Variants in MFRP observed in about 807,000 individuals in gnomAD.
MFRP encodes C1q and TNF related 5.
Under a neutral mutation model 65.8 loss-of-function variants are expected in MFRP, and 74 were observed. The ratio of observed to expected loss-of-function variants is 1.12; its 90% CI spans 0.93 to 1.36. MFRP has a LOEUF of 1.36. Among genes scored for constraint, MFRP ranks in the 40% most tolerant of loss-of-function variants. The pLI is 0.00. For missense variants in MFRP, 838 were observed against 736.0 expected, an observed-to-expected ratio of 1.14 and a Z score of -1.60; for synonymous variants, 336 against 288.3, an observed-to-expected ratio of 1.17 and a Z score of -1.68.
Position 119,346,674 on chromosome 11 carries a change from G to A in MFRP, c.-161C>T. On this transcript the variant is annotated 5_prime_UTR_variant, in exon 1 of 15. Coordinates refer to ENST00000619721, the MANE Select transcript of MFRP (RefSeq NM_031433.4). The stretch of plus-strand genomic sequence containing the variant: ...GTTCTTGGGCTGTCCTTGGTAGAGT[G>A]GTTTGGCCTATGGGCTACTCTGTCT... 1 of 733,394 alleles carries A rather than the reference G, an allele frequency of 1.4e-6. No homozygotes were observed. The highest frequency in any genetic ancestry group is 2.4e-6 in the Non-Finnish European group (1 of 414,358). 45.4% of individuals were successfully genotyped at this position (733,394 alleles called of 1,614,324 possible).
intron 5 of MFRP, 125 bp from the exon 6 acceptor site, chr11:119,345,129 C>T: frequency 7.7e-7 from 1 of 1,292,978 alleles, no homozygotes. Context: ...GTCAAAAAGG[C>T]TCCTCTGATG....
chr11:119,344,868 A>C lies in MFRP; in HGVS notation c.772+6T>G. 1.9e-6 allele frequency: 3 copies of C among 1,613,190 alleles called. No homozygotes were observed. The highest frequency in any genetic ancestry group is 2.5e-6 in the Non-Finnish European group (3 of 1,179,960). On this transcript the variant is annotated splice_donor_region_variant and intron_variant, in intron 6 of 14. Coordinates refer to ENST00000619721, the MANE Select transcript of MFRP (RefSeq NM_031433.4). ...ACACTCAACAGGCAGGTGGGAACAC[A>C]CTCACCGCGCCCAGGGGCCATAGCC...
Position 119,344,955 on chromosome 11 carries a change from G to A in MFRP, c.691C>T (p.Leu231Phe), listed in dbSNP as rs1486245948. 2 of 1,610,008 alleles carry A rather than the reference G, an allele frequency of 1.2e-6. No homozygotes were observed. The highest frequency in any genetic ancestry group is 1.7e-6 in the Non-Finnish European group (2 of 1,178,662). The change falls in exon 6 of 15, where the codon CTC (leucine) becomes TTC (phenylalanine). Residue 231 changes from leucine (L) to phenylalanine (F), a missense_variant. Transcript: ENST00000619721. Reference sequence around the variant, plus strand: ...CTGTCAGAGACGAAGACCACCAGGAGGTGGCTGGCATTGGTGTTGAGCGTG... The same window carrying A: ...CTGTCAGAGACGAAGACCACCAGGAAGTGGCTGGCATTGGTGTTGAGCGTG... ...PPTLNTNASH[L>F]LVVFVSDSSV...
At position 119,341,535 on chromosome 11, in the gene MFRP, G is replaced by C; in HGVS notation, c.*13C>G. ...GAGGACGGGCAGGAAGAGGGCAGGGGCCGGCTTCAGGGTCAGGGCTGGGCA... is the reference window on the plus strand; with the variant it reads ...GAGGACGGGCAGGAAGAGGGCAGGGCCCGGCTTCAGGGTCAGGGCTGGGCA... On this transcript the variant is annotated 3_prime_UTR_variant, in exon 13 of 15. Transcript: ENST00000619721. The C allele has an allele frequency of 6.2e-7, 1 of 1,607,300 alleles. No individual in the cohort carries two copies. Among genetic ancestry groups the C allele is most frequent in the Non-Finnish European group, 8.5e-7 (1 of 1,176,066 alleles).
At chr11:119,342,365 C>G (rs1950510802) in intron 11 of MFRP, among the ~76,000 whole-genome samples, 1 of 152,134 alleles carries the variant, frequency 6.6e-6, no homozygotes, top group Non-Finnish European at 1.5e-5. Context: ...TCTTGAAGCC[C>G]CACCAATGAT....
At position 119,340,338 on chromosome 11, in the gene MFRP, G is replaced by C. The variant is rs1427104534; in HGVS notation, c.*956C>G. The C allele has an allele frequency of 1.3e-6, 2 of 1,543,588 alleles. No homozygotes were observed. The highest frequency in any genetic ancestry group is 1.7e-6 in the Non-Finnish European group (2 of 1,145,302). On this transcript the variant is annotated 3_prime_UTR_variant, in exon 14 of 15. Transcript: ENST00000619721. Reference sequence around the variant, plus strand: ...GGCAGAGGCTGGGGATCTTGTTGTCGTCCAGTGGGGGCGAGCCGGCCGCCA... The same window carrying C: ...GGCAGAGGCTGGGGATCTTGTTGTCCTCCAGTGGGGGCGAGCCGGCCGCCA...
At chr11:119,344,838 A>C (rs764295276) in intron 6 of MFRP, 36 bp downstream of exon 6, 1 of 1,613,464 alleles carries the variant, frequency 6.2e-7, no homozygotes, top group Non-Finnish European at 8.5e-7. Flanking sequence ...AGGGGAAGAA[A>C]GTGGACACTC....
intron 6 of MFRP, 42 bp from the exon 7 acceptor site, chr11:119,344,799 A>G (rs370063522): frequency 5.8e-5 from 93 of 1,613,552 alleles, no homozygotes; most frequent in Non-Finnish European, 7.3e-5. Flanking sequence ...CGGAGTCTCC[A>G]CCCCTTTGAC....
chr11:119,342,843 G>GC (rs764467122), intron 10 of MFRP, 30 bp downstream of exon 10: 26 of 1,612,970 alleles, frequency 1.6e-5, no homozygotes, highest in South Asian at 8.8e-5. Context: ...TGCCTCTACT[G>GC]CCCCCACCCA....
chr11:119,339,554 T>G lies in MFRP; in HGVS notation c.*1405A>C. On this transcript the variant is annotated 3_prime_UTR_variant, in exon 15 of 15. Transcript: ENST00000619721. The surrounding 1 kb of genome is among the most constrained non-coding windows in gnomAD (Gnocchi z 5.4). ...GAAAGAGGCAATGGATTCGCCATTC[T>G]TCACCAGATCAAACTGCAGGCTGGC... 1 of 1,613,484 alleles carries G rather than the reference T, an allele frequency of 6.2e-7. No individual in the cohort carries two copies. Among genetic ancestry groups the G allele is most frequent in the Non-Finnish European group, 8.5e-7 (1 of 1,180,034 alleles).
In MFRP at chr11:119,341,415, C is replaced by T. The variant is rs1950501083; in HGVS notation, c.*133G>A. The T allele has an allele frequency of 1.1e-5, 8 of 743,282 alleles. No homozygotes were observed. The South Asian group carries it at 1.3e-4, about 12-fold the overall frequency. The allele number at this position is 743,282 out of a possible 1,614,324, so 46.0% of individuals were successfully genotyped here. On this transcript the variant is annotated 3_prime_UTR_variant, in exon 13 of 15. Transcript: ENST00000619721. ...CCATGAGCCCCAGCTGAGGACTTCT[C>T]TTCCCCCTCCCTGGGAGCCCCAGAG...
chr11:119,341,005 G>A lies in MFRP; in HGVS notation c.*543C>T. 1 of 177,426 alleles carries A rather than the reference G, an allele frequency of 5.6e-6. No homozygotes were observed. The highest frequency in any genetic ancestry group is 1.2e-5 in the Non-Finnish European group (1 of 84,086). 11.0% of individuals were successfully genotyped at this position (177,426 alleles called of 1,614,324 possible). Reference sequence around the variant, plus strand: ...AGAGACTTGAGCTGGGCACAGAGAGGCAGAACTTCGAGAGACGGACACACA... The same window carrying A: ...AGAGACTTGAGCTGGGCACAGAGAGACAGAACTTCGAGAGACGGACACACA... On this transcript the variant is annotated 3_prime_UTR_variant, in exon 13 of 15. Coordinates refer to ENST00000619721, the MANE Select transcript of MFRP (RefSeq NM_031433.4).
chr11:119,344,611 A>G (rs1950539667), intron 7 of MFRP, 21 bp downstream of exon 7: 1 of 1,613,540 alleles, frequency 6.2e-7, no homozygotes, highest in African/African-American at 1.3e-5. Flanking sequence ...TGAAGAGAGG[A>G]CCCCCATGCC....
chr11:119,342,511 G>T (rs1950512130), intron 11 of MFRP, 85 bp downstream of exon 11: 2 of 1,553,552 alleles, frequency 1.3e-6, no homozygotes, highest in Non-Finnish European at 1.7e-6. Context: ...AGGGAGGTTG[G>T]GATGGGACAC....
Position 119,341,867 on chromosome 11 carries a change from C to T in MFRP, c.1505G>A (p.Ser502Asn), listed in dbSNP as rs1244229995. 1 of 1,613,918 alleles carries T rather than the reference C, an allele frequency of 6.2e-7. No individual in the cohort carries two copies. Among genetic ancestry groups the T allele is most frequent in the East Asian group, 2.2e-5 (1 of 44,892 alleles). Residue 502 changes from serine (S) to asparagine (N), a missense_variant, in exon 12 of 15, where the codon AGC (serine) becomes AAC (asparagine). Coordinates refer to ENST00000619721, the MANE Select transcript of MFRP (RefSeq NM_031433.4). The stretch of plus-strand genomic sequence containing the variant: ...CTCCACCCAGAAGACCTTGTAACCG[C>T]TGAGGACCTCTACCACCTCCTCCTG... The part of the protein sequence containing the change: ...ITQEEVVEVL[S>N]GYKSLTSLPC...
chr11:119,345,984 G>C, intron 3 of MFRP, 56 bp from the exon 4 acceptor site: 2 of 1,613,384 alleles, frequency 1.2e-6, no homozygotes, highest in Non-Finnish European at 1.7e-6. Context: ...TGGGAGGCTG[G>C]GAGAGCGGCT....
Position 119,339,500 on chromosome 11 carries a change from G to C in MFRP, c.*1459C>G. On this transcript the variant is annotated 3_prime_UTR_variant, in exon 15 of 15. Coordinates refer to ENST00000619721, the MANE Select transcript of MFRP (RefSeq NM_031433.4). The surrounding 1 kb of genome is among the most constrained non-coding windows in gnomAD (Gnocchi z 5.4). ...CATGGCCCCCCCCGAGAGCGAGGCT[G>C]GCTTGGGCCACCCCCCGAAAAACTG... 1 of 1,613,832 alleles carries C rather than the reference G, an allele frequency of 6.2e-7. No individual in the cohort carries two copies. Among genetic ancestry groups the C allele is most frequent in the Non-Finnish European group, 8.5e-7 (1 of 1,180,004 alleles).
At position 119,341,249 on chromosome 11, in the gene MFRP, T is replaced by G; in HGVS notation, c.*299A>C. ...AAGGAAAAGGTCAGAAGGCAGGCGATGGAGAAGCTGAAAAAGCAGATGGAA... is the reference window on the plus strand; with the variant it reads ...AAGGAAAAGGTCAGAAGGCAGGCGAGGGAGAAGCTGAAAAAGCAGATGGAA... On this transcript the variant is annotated 3_prime_UTR_variant, in exon 13 of 15. Coordinates refer to ENST00000619721, the MANE Select transcript of MFRP (RefSeq NM_031433.4). 4.3e-6 allele frequency: 2 copies of G among 462,848 alleles called. No homozygotes were observed. The highest frequency in any genetic ancestry group is 3.9e-6 in the Non-Finnish European group (1 of 254,438). The allele number at this position is 462,848 out of a possible 1,614,324, so 28.7% of individuals were successfully genotyped here.
chr11:119,345,101 C>G, intron 5 of MFRP, 97 bp from the exon 6 acceptor site: 2 of 1,484,800 alleles, frequency 1.3e-6, no homozygotes, highest in South Asian at 2.5e-5. Context: ...TCTCAACCCC[C>G]AAACTGGTGA....
Sources: allele counts gnomAD v4.1 joint callset (sites outside exome capture counted in the v4.1 genomes callset), GRCh38; gene constraint gnomAD v4.1.1; non-coding constraint Gnocchi (gnomAD v3.1); transcripts MANE v1.5; gene names NCBI Gene and HGNC (gene_info 2026-07-23, HGNC 2026-07-21).